Variants in C2orf74 observed in about 807,000 individuals in gnomAD.
The protein encoded by C2orf74 is uncharacterized protein C2orf74.
Under a neutral mutation model 17.9 loss-of-function variants are expected in C2orf74, and 14 were observed. That is an observed-to-expected ratio of 0.78 (90% CI 0.52 to 1.22). C2orf74 has a LOEUF of 1.22. C2orf74 is among the 50% of genes most tolerant of loss of function. The pLI is 0.00. For synonymous variants in C2orf74, 79 were observed against 72.6 expected (o/e 1.09, Z -0.44); for missense variants, 217 against 218.4 (o/e 0.99, Z 0.04).
chr2:61,152,385 C>CA lies in C2orf74; in HGVS notation c.-122+7195dup, dbSNP rs1231005664. ...TGAAGCCCCATTTCTACTAAAAATA[C>CA]AAAAAATTAGCCAGGCGTGGTGGTG... On this transcript the variant is annotated intron_variant, in intron 1 of 3. Transcript: ENST00000426997. Among the ~76,000 whole-genome samples, 53 of 150,770 alleles carry CA rather than the reference C, an allele frequency of 3.5e-4. 1 individual carries two copies. The Middle Eastern group carries it at 0.01, about 29-fold the overall frequency.
chr2:61,150,127 G>A (rs1239527804), intron 1 of C2orf74, among the ~76,000 whole-genome samples: 1 of 152,122 alleles, frequency 6.6e-6, no homozygotes, highest in Admixed American at 6.5e-5. Context: ...AGGTGCTGAG[G>A]GTTGGTGAAG....
intron 1 of C2orf74, among the ~76,000 whole-genome samples, chr2:61,155,743 A>G (rs370807327): frequency 1.3e-5 from 2 of 152,000 alleles, no homozygotes; most frequent in South Asian, 2.1e-4. Flanking sequence ...GATGGTCTCA[A>G]TCTCCTAACC....
At chr2:61,152,880 G>A (rs1417199765) in intron 1 of C2orf74, among the ~76,000 whole-genome samples, 12 of 148,392 alleles carry the variant, frequency 8.1e-5, no homozygotes, top group Admixed American at 2.0e-4. Context: ...AGCCAGGCGC[G>A]CGCGGTGGCT....
In C2orf74 at chr2:61,162,582, T is replaced by A. The variant is rs771364415; in HGVS notation, c.68T>A (p.Leu23His). 1.9e-6 allele frequency: 3 copies of A among 1,549,926 alleles called. No homozygotes were observed. The South Asian group carries it at 3.6e-5, about 18-fold the overall frequency. Residue 23 changes from leucine to histidine, a missense_variant, in exon 2 of 5, where the codon CTC becomes CAC. Coordinates refer to ENST00000432605, the MANE Select transcript of C2orf74 (RefSeq NM_001143959.4). ...CTAATTTGCCTCATTTGCATCCTCC[T>A]CTTATTGGTGGTTTTTTTATATAAA... ...ILLICLICIL[L>H]LLVVFLYKCF...
At chr2:61,147,466 C>G (rs1000550171) in intron 1 of C2orf74, among the ~76,000 whole-genome samples, 1 of 152,164 alleles carries the variant, frequency 6.6e-6, no homozygotes. Context: ...TCTGCAGTAT[C>G]GAAAACCTTC....
intron 1 of C2orf74, among the ~76,000 whole-genome samples, chr2:61,146,770 CG>C (rs773005054): frequency 2.6e-5 from 4 of 151,726 alleles, no homozygotes; most frequent in Non-Finnish European, 5.9e-5. Context: ...ACCAGGGAGT[CG>C]GAGGTTGCAG....
chr2:61,164,080 T>A (rs1268856586), intron 4 of C2orf74, among the ~76,000 whole-genome samples: 1 of 152,088 alleles, frequency 6.6e-6, no homozygotes, highest in Non-Finnish European at 1.5e-5. Context: ...CCATGCCCGG[T>A]TGACGACAGA....
Position 61,164,537 on chromosome 2 carries a change from AAG to A in C2orf74, c.*11_*12del. The A allele has an allele frequency of 6.6e-7, 1 of 1,508,128 alleles. No homozygotes were observed. The highest frequency in any genetic ancestry group is 8.9e-7 in the Non-Finnish European group (1 of 1,127,886). The allele number at this position is 1,508,128 out of a possible 1,614,324, so 93.4% of individuals were successfully genotyped here. A position where few individuals can be genotyped will look rare whatever the true frequency, so the allele number is the denominator to read the frequency against. ...TAAAGAGAGGAAATGAAGCTCAAAA[AAG>A]GGTAAGAGTGAAAGAAAATGTAACG... On this transcript the variant is annotated 3_prime_UTR_variant, in exon 5 of 5. Transcript: ENST00000432605.
Position 61,152,708 on chromosome 2 carries a change from C to T in C2orf74, c.-122+7512C>T, listed in dbSNP as rs1408360517. Among the ~76,000 whole-genome samples, 11 of 151,248 alleles carry T rather than the reference C, an allele frequency of 7.3e-5. No individual in the cohort carries two copies. In the South Asian group the frequency reaches 1.3e-3, roughly 17 times the overall value. On this transcript the variant is annotated intron_variant, in intron 1 of 3. Transcript: ENST00000426997. ...TACTAAAAATACAAAATTAGCTGGG[C>T]GTGGTGACACATGCCTGTAATCCCA...
At chr2:61,147,241 G>A (rs535210121) in intron 1 of C2orf74, among the ~76,000 whole-genome samples, 123 of 149,642 alleles carry the variant, frequency 8.2e-4, no homozygotes, top group Non-Finnish European at 1.3e-3. Flanking sequence ...TTTTTGACAA[G>A]GTTTTCTCTG....
At position 61,164,719 on chromosome 2, in the gene C2orf74, A is replaced by G; in HGVS notation, c.*192A>G. Reference sequence around the variant, plus strand: ...GTAAAATACTTAGAGCTTGAATATAATTTTTTAAAAATTCAAATCTGAGTT... The same window carrying G: ...GTAAAATACTTAGAGCTTGAATATAGTTTTTTAAAAATTCAAATCTGAGTT... On this transcript the variant is annotated 3_prime_UTR_variant, in exon 5 of 5. Transcript: ENST00000432605. 2 of 425,980 alleles carry G rather than the reference A, an allele frequency of 4.7e-6. No individual in the cohort carries two copies. The highest frequency in any genetic ancestry group is 8.0e-6 in the Non-Finnish European group (2 of 249,464). 26.4% of individuals were successfully genotyped at this position (425,980 alleles called of 1,614,324 possible).
rs182387260 is a variant in C2orf74 at position 61,152,341 on chromosome 2, A to C, written c.-122+7145A>C. Among the ~76,000 whole-genome samples, 532 of 151,392 alleles carry C rather than the reference A, an allele frequency of 3.5e-3. 2 individuals carry two copies. Among genetic ancestry groups the C allele is most frequent in the Non-Finnish European group, 6.1e-3 (415 of 67,870 alleles). On this transcript the variant is annotated intron_variant, in intron 1 of 3. Transcript: ENST00000426997. The stretch of plus-strand genomic sequence containing the variant: ...CAGATCACGAGGTCAGGAGATCGAG[A>C]CCATCCTGGCTAATATGGTGAAGCC...
intron 1 of C2orf74, chr2:61,151,375 A>T (rs1341319931): frequency 6.7e-6 from 1 of 148,272 alleles, no homozygotes; most frequent in Non-Finnish European, 1.5e-5. Flanking sequence ...AAATATATAA[A>T]TACAGGCTAT....
Position 61,164,707 on chromosome 2 carries a change from A to G in C2orf74, c.*180A>G. ...AAAATTCTGTAAGTAAAATACTTAG[A>G]GCTTGAATATAATTTTTTAAAAATT... On this transcript the variant is annotated 3_prime_UTR_variant, in exon 5 of 5. Transcript: ENST00000432605. 2.2e-6 allele frequency: 1 copy of G among 460,924 alleles called. No individual in the cohort carries two copies. The highest frequency in any genetic ancestry group is 3.7e-6 in the Non-Finnish European group (1 of 272,674). The allele number at this position is 460,924 out of a possible 1,614,324, so 28.6% of individuals were successfully genotyped here. A position where few individuals can be genotyped will look rare whatever the true frequency, so the allele number is the denominator to read the frequency against.
chr2:61,148,622 T>C (rs1377117399), intron 1 of C2orf74, among the ~76,000 whole-genome samples: 1 of 152,260 alleles, frequency 6.6e-6, no homozygotes, highest in Admixed American at 6.5e-5. Flanking sequence ...GAAATGCCTG[T>C]TCAAGACTTT....
chr2:61,149,574 CTTTTTTTTTTTTT>C (rs70959895), intron 1 of C2orf74, among the ~76,000 whole-genome samples: 820 of 80,028 alleles, frequency 0.01, 18 homozygotes, highest in African/African-American at 0.041. Context: ...GGGCGCCTTT[CTTTTTTTTTTTTT>C]TTTTTTTTTT....
chr2:61,158,323 A>G (rs141068223), upstream of C2orf74, among the ~76,000 whole-genome samples: 115 of 152,282 alleles, frequency 7.6e-4, no homozygotes, highest in African/African-American at 2.5e-3. Context: ...AAGACTATGA[A>G]AGACCTTGGG....
chr2:61,164,324 G>A, intron 4 of C2orf74, 30 bp from the exon 5 acceptor site: 1 of 1,478,280 alleles, frequency 6.8e-7, no homozygotes, highest in Non-Finnish European at 9.0e-7. Flanking sequence ...TTGATTATTT[G>A]TTTATATTGT....
intron 1 of C2orf74, chr2:61,151,816 A>ACT (rs1384359573): frequency 6.6e-6 from 1 of 152,226 alleles, no homozygotes; most frequent in Non-Finnish European, 1.5e-5. Flanking sequence ...GAAGAGATTT[A>ACT]CTACTATAAA....
Sources: allele counts gnomAD v4.1 joint callset (sites outside exome capture counted in the v4.1 genomes callset), GRCh38; gene constraint gnomAD v4.1.1; transcripts MANE v1.5; gene names NCBI Gene and HGNC (gene_info 2026-07-23, HGNC 2026-07-21).